Variants in NSUN2 observed in about 807,000 individuals in gnomAD.
NSUN2 encodes the protein NOP2/Sun RNA methyltransferase 2, also known as RNA cytosine C(5)-methyltransferase NSUN2.
Under a neutral mutation model 92.7 loss-of-function variants are expected in NSUN2, and 63 were observed. The ratio of observed to expected loss-of-function variants is 0.68; its 90% CI spans 0.56 to 0.84. The LOEUF (loss-of-function observed/expected upper bound fraction) is 0.84, where lower values mean the gene tolerates loss of function less well. NSUN2 is among the 40% of genes least tolerant of loss of function. The pLI is 0.00. For missense variants in NSUN2, 989 were observed against 964.9 expected (o/e 1.02, Z -0.33); for synonymous variants, 356 against 348.3 (o/e 1.02, Z -0.25).
chr5:6,601,129 G>C (rs1736535824), intron 18 of NSUN2, among the ~76,000 whole-genome samples: 1 of 148,690 alleles, frequency 6.7e-6, no homozygotes, highest in African/African-American at 2.5e-5. Context: ...AGAAGTGAGA[G>C]GAAAATATAA....
At chr5:6,609,033 C>T (rs372642269) in intron 12 of NSUN2, among the ~76,000 whole-genome samples, 5 of 152,300 alleles carry the variant, frequency 3.3e-5, no homozygotes, top group East Asian at 3.9e-4. Context: ...TACGTTCCAA[C>T]GTTAAACTGC....
Position 6,632,947 on chromosome 5 carries a change from C to CT in NSUN2, c.32dup (p.Gln12AlafsTer89). 6.7e-7 allele frequency: 1 copy of CT among 1,502,160 alleles called. No individual in the cohort carries two copies. 93.1% of individuals were successfully genotyped at this position (1,502,160 alleles called of 1,614,324 possible). Reference sequence around the variant, plus strand: ...CCGCGTCCTCCGGCCGCTGCTGTTGCTGGAGCCGCCGACCCCGCGACCGCC... The same window carrying CT: ...CCGCGTCCTCCGGCCGCTGCTGTTGCTTGGAGCCGCCGACCCCGCGACCGCC... On this transcript the variant is annotated frameshift_variant, in exon 1 of 19. Coordinates refer to ENST00000264670, the MANE Select transcript of NSUN2 (RefSeq NM_017755.6). LOFTEE classifies it high-confidence loss of function.
Position 6,604,205 on chromosome 5 carries a change from C to G in NSUN2, c.1890G>C (p.Leu630=). ...ITVSMEDVKI[L]LTQENPFFRK... is the part of the protein sequence containing the mutation. Reference sequence around the variant, plus strand: ...TAAAAAAGGGATTTTCCTGGGTCAACAGTATCTTAACATCTTCCATTGATA... The same window carrying G: ...TAAAAAAGGGATTTTCCTGGGTCAAGAGTATCTTAACATCTTCCATTGATA... The change falls in exon 17 of 19, where the codon CTG becomes CTC. Residue 630 remains leucine, a synonymous_variant. Transcript: ENST00000264670. 1 of 1,612,880 alleles carries G rather than the reference C, an allele frequency of 6.2e-7. No individual in the cohort carries two copies. Among genetic ancestry groups the G allele is most frequent in the Non-Finnish European group, 8.5e-7 (1 of 1,178,862 alleles).
chr5:6,600,070 C>G lies in NSUN2; in HGVS notation c.2160G>C (p.Glu720Asp). The change falls in exon 19 of 19, where the codon GAG becomes GAC. Residue 720 changes from glutamate (E) to aspartate (D), a missense_variant. Glu to Asp is a conservative substitution (Grantham distance 45, BLOSUM62 2). Around this residue, in one of 3 missense-constraint regions of NSUN2, gnomAD observed 626 missense variants for 602.3 expected, o/e 1.04. Coordinates refer to ENST00000264670, the MANE Select transcript of NSUN2 (RefSeq NM_017755.6). ...CTGGCTGTCCGGTGCTGGCTGCACT[C>G]TCATTTGTGAGGATAACCCCTTCCT... ...KKKEGVILTN[E>D]SAASTGQPDN... 1 of 1,614,236 alleles carries G rather than the reference C, an allele frequency of 6.2e-7. No homozygotes were observed. The highest frequency in any genetic ancestry group is 8.5e-7 in the Non-Finnish European group (1 of 1,180,046).
Position 6,623,233 on chromosome 5 carries a change from T to C in NSUN2, c.518A>G (p.Asn173Ser). 1.2e-6 allele frequency: 2 copies of C among 1,606,724 alleles called. No homozygotes were observed. The highest frequency in any genetic ancestry group is 1.7e-6 in the Non-Finnish European group (2 of 1,178,264). Residue 173 changes from asparagine (N) to serine (S), a missense_variant, in exon 5 of 19, where the codon AAC becomes AGC. This residue lies in a region of NSUN2 where 356 missense variants were observed against 338.6 expected (regional missense o/e 1.05). Coordinates refer to ENST00000264670, the MANE Select transcript of NSUN2 (RefSeq NM_017755.6). The stretch of plus-strand genomic sequence containing the variant: ...TGCTACCTTATGATGAGGCCGCACG[T>C]TGAGGAGCAGTGGTGGGATCATGCT... ...AVSMIPPLLL[N>S]VRPHHKILDM... is the part of the protein sequence containing the mutation.
intron 4 of NSUN2, 32 bp from the exon 5 acceptor site, chr5:6,623,317 A>C: frequency 1.4e-6 from 2 of 1,425,396 alleles, no homozygotes; most frequent in Non-Finnish European, 1.8e-6. Flanking sequence ...AGCAACAATT[A>C]GGAAAAAAAA....
At chr5:6,613,505 A>G (rs1737084140) in intron 9 of NSUN2, among the ~76,000 whole-genome samples, 1 of 152,198 alleles carries the variant, frequency 6.6e-6, no homozygotes, top group African/African-American at 2.4e-5. Context: ...CATCTCAGAA[A>G]GCTAAAATGA....
intron 18 of NSUN2, 69 bp downstream of exon 18, chr5:6,602,392 T>C (rs1317386393): frequency 1.3e-6 from 2 of 1,487,174 alleles, no homozygotes; most frequent in East Asian, 2.3e-5. Context: ...GTCACTTTCC[T>C]CACCAACGAG....
At chr5:6,619,387 T>C (rs1021811470) in intron 7 of NSUN2, among the ~76,000 whole-genome samples, 23 of 152,220 alleles carry the variant, frequency 1.5e-4, no homozygotes, top group African/African-American at 5.3e-4. Context: ...ACAAGTTTTG[T>C]GGCAGCTTTT....
intron 9 of NSUN2, among the ~76,000 whole-genome samples, chr5:6,615,192 C>T (rs1304829119): frequency 6.6e-6 from 1 of 151,780 alleles, no homozygotes; most frequent in African/African-American, 2.4e-5. Flanking sequence ...GGAACTGGGG[C>T]CCACCCTCAA....
At position 6,632,737 on chromosome 5, in the gene NSUN2, G is replaced by A. The variant is rs149512747; in HGVS notation, c.116C>T (p.Pro39Leu). The change falls in exon 2 of 19, where the codon CCC (proline) becomes CTC (leucine). Residue 39 changes from proline to leucine, a missense_variant. This residue lies in a region of NSUN2 where 356 missense variants were observed against 338.6 expected (regional missense o/e 1.05). Coordinates refer to ENST00000264670, the MANE Select transcript of NSUN2 (RefSeq NM_017755.6). ...CAGCTTGTTCTCCTTGACGATCTCG[G>A]GGTAGCCTCCTTCCCAGCCCTGAGG... ...RGEAGWEGGY[P>L]EIVKENKLFE... is the part of the protein sequence containing the mutation. 65 of 1,613,864 alleles carry A rather than the reference G, an allele frequency of 4.0e-5. No individual in the cohort carries two copies. In the African/African-American group the frequency reaches 4.3e-4, roughly 11 times the overall value.
chr5:6,600,746 A>C (rs910265679), intron 18 of NSUN2, among the ~76,000 whole-genome samples: 4 of 151,926 alleles, frequency 2.6e-5, no homozygotes, highest in Non-Finnish European at 5.9e-5. Context: ...AGAACCCAGG[A>C]CCACTCATCC....
chr5:6,606,137 T>A (rs1352477627), intron 14 of NSUN2, among the ~76,000 whole-genome samples: 1 of 152,274 alleles, frequency 6.6e-6, no homozygotes, highest in Non-Finnish European at 1.5e-5. Flanking sequence ...ATTCTGTCTA[T>A]GTCATCCCTA....
Position 6,599,900 on chromosome 5 carries a change from G to A in NSUN2, c.*26C>T. ...GAAGCCAGTTTTGCGTGTGAGGGGT[G>A]TGGGCCCCCGCTGCCTTGGGCCTGC... On this transcript the variant is annotated 3_prime_UTR_variant, in exon 19 of 19. Coordinates refer to ENST00000264670, the MANE Select transcript of NSUN2 (RefSeq NM_017755.6). 1 of 1,602,572 alleles carries A rather than the reference G, an allele frequency of 6.2e-7. No homozygotes were observed. Among genetic ancestry groups the A allele is most frequent in the East Asian group, 2.2e-5 (1 of 44,776 alleles).
At chr5:6,617,499 G>A (rs752993960) in intron 8 of NSUN2, among the ~76,000 whole-genome samples, 1 of 152,172 alleles carries the variant, frequency 6.6e-6, no homozygotes, top group African/African-American at 2.4e-5. Flanking sequence ...CGTGATCATC[G>A]TGTTATGAGA....
chr5:6,620,402 C>T, intron 6 of NSUN2, 104 bp from the exon 7 acceptor site: 1 of 884,104 alleles, frequency 1.1e-6, no homozygotes, highest in Non-Finnish European at 1.7e-6. Context: ...CAGCAATCCA[C>T]CAAACTTAAG....
intron 4 of NSUN2, among the ~76,000 whole-genome samples, chr5:6,624,149 A>AT (rs1737562979): frequency 6.6e-6 from 1 of 152,226 alleles, no homozygotes; most frequent in Non-Finnish European, 1.5e-5. Flanking sequence ...TCTGGCCAGC[A>AT]TGAGTCTGTG....
chr5:6,628,219 G>C (rs1167707069), intron 3 of NSUN2, among the ~76,000 whole-genome samples: 2 of 152,066 alleles, frequency 1.3e-5, no homozygotes, highest in Admixed American at 1.3e-4. Context: ...ATGGTGATGG[G>C]GGCATGTAAT....
Position 6,609,903 on chromosome 5 carries a change from G to A in NSUN2, c.1246C>T (p.His416Tyr). 6.2e-7 allele frequency: 1 copy of A among 1,612,086 alleles called. No individual in the cohort carries two copies. ...ACAAAAAACCCTCCAGTATTCTGAT[G>A]ATGGGGTAATATCCTAAGGCTAAAT... The part of the protein sequence containing the change: ...LERCLRILPH[H>Y]QNTGGFFVAV... The change falls in exon 12 of 19, where the codon CAT becomes TAT. Residue 416 changes from histidine (H) to tyrosine (Y), a missense_variant. Around this residue, in one of 3 missense-constraint regions of NSUN2, gnomAD observed 626 missense variants for 602.3 expected, o/e 1.04. Transcript: ENST00000264670.
Sources: gnomAD v4.1 joint callset for allele counts (sites outside exome capture counted in the v4.1 genomes callset) on GRCh38, gnomAD v4.1.1 for gene constraint, gnomAD v4.1.1 regional missense constraint, MANE v1.5 for transcripts, NCBI Gene and HGNC (gene_info 2026-07-23, HGNC 2026-07-21) for gene names.